The following KLF8 variants were observed in gnomAD, a reference collection of about 807,000 sequenced individuals.
The protein encoded by KLF8 is KLF transcription factor 8, also known as Krueppel-like factor 8.
In KLF8, 10 loss-of-function variants were observed where a neutral mutation model predicts 18.2. The ratio of observed to expected loss-of-function variants is 0.55; its 90% CI spans 0.34 to 0.93. The LOEUF is 0.93. KLF8 is among the 40% of genes least tolerant of loss of function. The pLI is 0.02. For synonymous variants in KLF8, 109 were observed against 97.3 expected (o/e 1.12, Z -0.71); for missense variants, 264 against 277.9 (o/e 0.95, Z 0.36).
At chrX:55,972,488 T>C in the KLF8 span, among the ~76,000 whole-genome samples, 1 of 111,000 alleles carries the variant, frequency 9.0e-6, no homozygotes, top group Non-Finnish European at 1.9e-5. Context: ...GTGATCATAG[T>C]CAATAATGAT....
chrX:56,177,509 C>T, the KLF8 span, among the ~76,000 whole-genome samples: 2 of 110,853 alleles, frequency 1.8e-5, no homozygotes, highest in East Asian at 5.7e-4. Context: ...TCCATCTGCC[C>T]CTACTTCAGT....
the KLF8 span, among the ~76,000 whole-genome samples, chrX:56,112,338 G>C: frequency 4.5e-5 from 5 of 111,111 alleles, no homozygotes; most frequent in African/African-American, 9.8e-5. Context: ...GCCATGGAGT[G>C]GGGGGCTGGG....
At chrX:56,090,977 A>G in the KLF8 span, among the ~76,000 whole-genome samples, 1 of 112,150 alleles carries the variant, frequency 8.9e-6, no homozygotes, top group African/African-American at 3.2e-5. Context: ...GCTCAGTAGT[A>G]TTCCGTGGTT....
the KLF8 span, among the ~76,000 whole-genome samples, chrX:56,003,904 T>C: frequency 8.0e-5 from 9 of 112,476 alleles, no homozygotes; most frequent in African/African-American, 2.6e-4. Context: ...GAACAACGTA[T>C]CTTATGTTAT....
At chrX:55,944,708 G>A in the KLF8 span, among the ~76,000 whole-genome samples, 1 of 111,022 alleles carries the variant, frequency 9.0e-6, no homozygotes, top group Admixed American at 9.6e-5. Context: ...GCGTCTATTT[G>A]ATTCTTCTCT....
intron 1 of KLF8, chrX:56,242,883 T>G (rs886479986): frequency 4.8e-5 from 18 of 372,489 alleles, no homozygotes; most frequent in Non-Finnish European, 7.9e-5. Context: ...TGTTTGTTTT[T>G]TCTTTCTGCT....
chrX:56,176,824 A>G, the KLF8 span, among the ~76,000 whole-genome samples: 1 of 111,260 alleles, frequency 9.0e-6, no homozygotes, highest in African/African-American at 3.3e-5. Flanking sequence ...TTTTCTCTAA[A>G]GTTATCTTCT....
chrX:56,218,889 C>T, the KLF8 span, among the ~76,000 whole-genome samples: 1 of 111,759 alleles, frequency 8.9e-6, no homozygotes. Flanking sequence ...AGGCCAAGAC[C>T]TCACAGTGGT....
At chrX:56,015,889 A>C in the KLF8 span, among the ~76,000 whole-genome samples, 1 of 112,041 alleles carries the variant, frequency 8.9e-6, no homozygotes, top group Non-Finnish European at 1.9e-5. Context: ...GGAACAGTGG[A>C]CAATTTTGTC....
the KLF8 span, among the ~76,000 whole-genome samples, chrX:56,165,005 T>C: frequency 1.1e-5 from 1 of 91,727 alleles, no homozygotes; most frequent in African/African-American, 4.0e-5. Flanking sequence ...ATGCGGTGTT[T>C]GGTTTTTTGT....
At chrX:56,156,994 A>G in the KLF8 span, among the ~76,000 whole-genome samples, 6 of 109,484 alleles carry the variant, frequency 5.5e-5, no homozygotes, top group Non-Finnish European at 1.1e-4. Context: ...CAAATGTCCA[A>G]CAATGATAGA....
chrX:55,976,122 A>C, the KLF8 span, among the ~76,000 whole-genome samples: 1 of 112,091 alleles, frequency 8.9e-6, no homozygotes, highest in African/African-American at 3.2e-5. Context: ...AAAAACAAAA[A>C]AACATGTATT....
the KLF8 span, among the ~76,000 whole-genome samples, chrX:56,049,393 G>A: frequency 1.8e-5 from 2 of 111,137 alleles, no homozygotes; most frequent in Non-Finnish European, 3.8e-5. Context: ...GTATGATATT[G>A]GCTGTGGGTT....
the KLF8 span, among the ~76,000 whole-genome samples, chrX:55,956,566 A>T: frequency 1.1e-4 from 12 of 111,603 alleles, no homozygotes; most frequent in African/African-American, 3.6e-4. Flanking sequence ...TGACCAATAC[A>T]TGCTATTTTC....
the KLF8 span, among the ~76,000 whole-genome samples, chrX:56,151,526 A>G: frequency 1.8e-5 from 2 of 111,094 alleles, no homozygotes; most frequent in African/African-American, 6.5e-5. Flanking sequence ...GAGAGAAGTG[A>G]GTGCCAGGAT....
chrX:56,185,875 C>T, the KLF8 span, among the ~76,000 whole-genome samples: 6 of 111,631 alleles, frequency 5.4e-5, no homozygotes, highest in African/African-American at 2.0e-4. Flanking sequence ...CTGAAGGAAG[C>T]ACTAAACATG....
the KLF8 span, among the ~76,000 whole-genome samples, chrX:55,943,548 G>A: frequency 9.0e-6 from 1 of 111,334 alleles, no homozygotes; most frequent in Non-Finnish European, 1.9e-5. Context: ...TCTTATCCTT[G>A]GTAAAATAAT....
upstream of KLF8, among the ~76,000 whole-genome samples, chrX:56,228,817 TGAG>T (rs760680007): frequency 8.2e-4 from 91 of 111,641 alleles, no homozygotes; most frequent in Non-Finnish European, 1.6e-3. Context: ...GAAAAGTGGG[TGAG>T]GAGGACAATT....
At chrX:56,148,878 T>G in the KLF8 span, among the ~76,000 whole-genome samples, 1 of 111,889 alleles carries the variant, frequency 8.9e-6, no homozygotes, top group Non-Finnish European at 1.9e-5. Flanking sequence ...AGGATGAGAT[T>G]TGGGTGGAGA....
Sources: allele counts gnomAD v4.1 joint callset (sites outside exome capture counted in the v4.1 genomes callset), GRCh38; gene constraint gnomAD v4.1.1; transcripts MANE v1.5; gene names NCBI Gene and HGNC (gene_info 2026-07-23, HGNC 2026-07-21).